LINGO2: variants seen among roughly 807,000 people sequenced by gnomAD.
LINGO2 encodes leucine rich repeat and Ig domain containing 2.
Under a neutral mutation model 30.6 loss-of-function variants are expected in LINGO2, and 14 were observed. That is an observed-to-expected ratio of 0.46 (90% CI 0.30 to 0.72). The LOEUF is 0.72. LINGO2 is among the 30% of genes least tolerant of loss of function. The pLI, the probability that LINGO2 is intolerant of heterozygous loss-of-function variation, is 0.07. For synonymous variants in LINGO2, 317 were observed against 288.5 expected (o/e 1.10, Z -1.00); for missense variants, 729 against 751.7 (o/e 0.97, Z 0.35).
chr9:28,703,021 T>TC, the LINGO2 span, among the ~76,000 whole-genome samples: 1 of 151,820 alleles, frequency 6.6e-6, no homozygotes, highest in Non-Finnish European at 1.5e-5. Flanking sequence ...TCTTTTTTTT[T>TC]CTTAGCCTGG....
the LINGO2 span, among the ~76,000 whole-genome samples, chr9:28,921,948 C>T: frequency 6.6e-6 from 1 of 152,268 alleles, no homozygotes; most frequent in Middle Eastern, 3.4e-3. Context: ...GCTAAAATCT[C>T]AGCTCTTGGC....
chr9:29,191,911 T>G, the LINGO2 span, among the ~76,000 whole-genome samples: 1 of 152,014 alleles, frequency 6.6e-6, no homozygotes, highest in African/African-American at 2.4e-5. Flanking sequence ...TTTTTCAAGC[T>G]TTCTTAATAT....
chr9:28,359,749 G>C (rs1564148747), intron 3 of LINGO2, among the ~76,000 whole-genome samples: 1 of 152,128 alleles, frequency 6.6e-6, no homozygotes, highest in Non-Finnish European at 1.5e-5. Flanking sequence ...GAGACACTGA[G>C]CATCTTCAGC....
At chr9:28,310,841 C>T (rs1232052688) in intron 3 of LINGO2, among the ~76,000 whole-genome samples, 4 of 152,078 alleles carry the variant, frequency 2.6e-5, no homozygotes, top group African/African-American at 4.8e-5. Flanking sequence ...TATTAAGAAA[C>T]ATTGTCCCCA....
chr9:28,430,333 T>G (rs1823611839), intron 2 of LINGO2, among the ~76,000 whole-genome samples: 1 of 152,118 alleles, frequency 6.6e-6, no homozygotes, highest in Non-Finnish European at 1.5e-5. Flanking sequence ...CCCTACAGCA[T>G]AAAATTCAAT....
chr9:28,205,592 C>T (rs1820381423), intron 4 of LINGO2, among the ~76,000 whole-genome samples: 1 of 152,010 alleles, frequency 6.6e-6, no homozygotes, highest in South Asian at 2.1e-4. Context: ...TTTAGGCACT[C>T]AATAAATATT....
intron 4 of LINGO2, among the ~76,000 whole-genome samples, chr9:28,193,668 C>A (rs1250645947): frequency 2.6e-5 from 4 of 152,196 alleles, no homozygotes; most frequent in Non-Finnish European, 1.5e-5. Flanking sequence ...TAAGTCACCT[C>A]CAAACTCGGT....
At chr9:28,746,746 G>C in the LINGO2 span, among the ~76,000 whole-genome samples, 4 of 152,130 alleles carry the variant, frequency 2.6e-5, no homozygotes, top group East Asian at 7.7e-4. Flanking sequence ...ATTAGGAACA[G>C]ACAAACAATA....
At chr9:28,512,593 G>GTGTA (rs1249376520) in intron 1 of LINGO2, among the ~76,000 whole-genome samples, 3 of 10,592 alleles carry the variant, frequency 2.8e-4, no homozygotes, top group African/African-American at 4.7e-4. Context: ...ATATATGTGT[G>GTGTA]TATATATATA....
In LINGO2 at chr9:28,096,239, A is replaced by G. The variant is rs115880391; in HGVS notation, c.-86-83834T>C. ...ATAGGGATTAAATAAGTGAATGTCT[A>G]TTAAGTACTTAGGATAATATTTATG... On this transcript the variant is annotated intron_variant, in intron 4 of 5. Transcript: ENST00000379992. 6.8e-3 allele frequency among the ~76,000 whole-genome samples: 1,029 copies of G among 152,328 alleles called. 18 individuals carry two copies. The highest frequency in any genetic ancestry group is 0.023 in the African/African-American group (960 of 41,576).
the LINGO2 span, among the ~76,000 whole-genome samples, chr9:28,762,800 C>G: frequency 2.7e-3 from 418 of 152,064 alleles, 5 homozygotes; most frequent in African/African-American, 9.5e-3. Context: ...CTTCCTTGCC[C>G]CAATACCTTG....
intron 4 of LINGO2, among the ~76,000 whole-genome samples, chr9:28,073,653 A>T (rs1356583289): frequency 6.6e-6 from 1 of 152,154 alleles, no homozygotes; most frequent in Non-Finnish European, 1.5e-5. Flanking sequence ...TTAGAGTCCA[A>T]CTCTTCTGAA....
At chr9:28,117,897 T>C (rs915346274) in intron 4 of LINGO2, among the ~76,000 whole-genome samples, 8 of 152,130 alleles carry the variant, frequency 5.3e-5, no homozygotes, top group African/African-American at 1.4e-4. Context: ...AAGACCAGGC[T>C]TAATAGCACA....
intron 3 of LINGO2, among the ~76,000 whole-genome samples, chr9:28,318,387 T>C (rs1309884936): frequency 1.3e-5 from 2 of 152,194 alleles, no homozygotes; most frequent in African/African-American, 4.8e-5. Flanking sequence ...AATCTCCAAA[T>C]TTCTGTTTGG....
chr9:28,581,653 C>T (rs117657421), intron 1 of LINGO2, among the ~76,000 whole-genome samples: 1 of 151,478 alleles, frequency 6.6e-6, no homozygotes, highest in East Asian at 1.9e-4. Flanking sequence ...AAAATAGATT[C>T]TTGTGAATAG....
chr9:28,629,386 T>G (rs1393094429), intron 1 of LINGO2, among the ~76,000 whole-genome samples: 1 of 152,134 alleles, frequency 6.6e-6, no homozygotes, highest in East Asian at 1.9e-4. Flanking sequence ...TAGAAATTCC[T>G]TTCTTCTTCC....
At chr9:27,940,659 C>G in the LINGO2 span, 1 of 152,262 alleles carries the variant, frequency 6.6e-6, no homozygotes. Flanking sequence ...AAAACATTAA[C>G]AGCCATCTAG....
chr9:28,990,300 G>A, the LINGO2 span, among the ~76,000 whole-genome samples: 1 of 152,232 alleles, frequency 6.6e-6, no homozygotes, highest in East Asian at 1.9e-4. Context: ...CAAGGCTGGG[G>A]GAGGGGTGCC....
the LINGO2 span, among the ~76,000 whole-genome samples, chr9:28,883,626 G>GTGTGTGTA: frequency 0.19 from 4,858 of 25,348 alleles, 1,062 homozygotes; most frequent in South Asian, 0.33. Flanking sequence ...ATATGTGTGT[G>GTGTGTGTA]TGTATATATA....
Sources: gnomAD v4.1 joint callset for allele counts (sites outside exome capture counted in the v4.1 genomes callset) on GRCh38, gnomAD v4.1.1 for gene constraint, MANE v1.5 for transcripts, NCBI Gene and HGNC (gene_info 2026-07-23, HGNC 2026-07-21) for gene names.